Variants in PDE1A observed in about 807,000 individuals in gnomAD.
The protein encoded by PDE1A is phosphodiesterase 1A.
A neutral mutation model predicts 61.7 loss-of-function variants in PDE1A; 35 were observed. The ratio of observed to expected loss-of-function variants is 0.57; its 90% CI spans 0.43 to 0.75. The LOEUF (loss-of-function observed/expected upper bound fraction) is 0.75. PDE1A is among the 30% of genes least tolerant of loss of function. The probability of loss-of-function intolerance (pLI) is 0.00; values close to 1 mark genes in which losing one functional copy is unlikely to be tolerated. For synonymous variants in PDE1A, 232 were observed against 213.2 expected (o/e 1.09, Z -0.77); for missense variants, 597 against 630.6 (o/e 0.95, Z 0.57).
upstream of PDE1A, among the ~76,000 whole-genome samples, chr2:182,431,281 A>G (rs536873873): frequency 1.3e-5 from 2 of 152,232 alleles, no homozygotes; most frequent in Admixed American, 1.3e-4. Context: ...CATATCATAC[A>G]TGAAAGATAA....
chr2:182,568,630 C>A, the PDE1A span, among the ~76,000 whole-genome samples: 226 of 152,184 alleles, frequency 1.5e-3, 1 homozygote, highest in Non-Finnish European at 2.8e-3. Context: ...ACACCACTGC[C>A]CTCCAGCCTG....
chr2:182,679,797 A>C, the PDE1A span, among the ~76,000 whole-genome samples: 4 of 152,216 alleles, frequency 2.6e-5, no homozygotes, highest in African/African-American at 9.6e-5. Context: ...TAAATAATCA[A>C]CAACTTTTTT....
At chr2:182,384,787 G>C (rs1700932240) in intron 1 of PDE1A, among the ~76,000 whole-genome samples, 1 of 152,086 alleles carries the variant, frequency 6.6e-6, no homozygotes, top group Admixed American at 6.6e-5. Context: ...TCTAAACCTG[G>C]AGAAAGATGT....
the PDE1A span, among the ~76,000 whole-genome samples, chr2:182,694,958 T>G: frequency 3.3e-5 from 5 of 152,064 alleles, no homozygotes; most frequent in African/African-American, 9.6e-5. Context: ...TCCCATTTTT[T>G]GGGAAGTAAC....
chr2:182,657,913 T>C, the PDE1A span, among the ~76,000 whole-genome samples: 1 of 151,910 alleles, frequency 6.6e-6, no homozygotes, highest in Non-Finnish European at 1.5e-5. Flanking sequence ...GGAAAACTTA[T>C]TTAAGACTAC....
At chr2:182,325,716 G>A (rs1308858810) in intron 1 of PDE1A, among the ~76,000 whole-genome samples, 1 of 152,046 alleles carries the variant, frequency 6.6e-6, no homozygotes, top group African/African-American at 2.4e-5. Flanking sequence ...TCAGGTGTTC[G>A]TAACCAGCTT....
intron 1 of PDE1A, among the ~76,000 whole-genome samples, chr2:182,281,780 GA>G (rs1003677235): frequency 2.0e-5 from 3 of 151,850 alleles, no homozygotes; most frequent in African/African-American, 7.2e-5. Flanking sequence ...TTTAGCAAGA[GA>G]ATATTGACTG....
intron 1 of PDE1A, among the ~76,000 whole-genome samples, chr2:182,374,761 C>T (rs1004662833): frequency 6.6e-6 from 1 of 152,114 alleles, no homozygotes; most frequent in African/African-American, 2.4e-5. Flanking sequence ...CAAATTAAAT[C>T]CAATGATTTA....
At chr2:182,381,378 A>T (rs1023741195) in intron 1 of PDE1A, among the ~76,000 whole-genome samples, 6 of 152,162 alleles carry the variant, frequency 3.9e-5, no homozygotes, top group African/African-American at 1.4e-4. Context: ...CCAAAATGTG[A>T]TTTAGAATAG....
At chr2:182,168,365 T>C in intron 13 of PDE1A, 1 of 1,341,110 alleles carries the variant, frequency 7.5e-7, no homozygotes, top group Non-Finnish European at 1.0e-6. Flanking sequence ...AAAAAGTAAT[T>C]CTCATTTATA....
intron 1 of PDE1A, among the ~76,000 whole-genome samples, chr2:182,337,544 A>T (rs1457564489): frequency 6.6e-6 from 1 of 152,122 alleles, no homozygotes; most frequent in Admixed American, 6.6e-5. Flanking sequence ...AGAATCTAGA[A>T]ATTAGCTTTT....
intron 1 of PDE1A, among the ~76,000 whole-genome samples, chr2:182,379,401 A>T (rs547354269): frequency 1.4e-4 from 22 of 152,200 alleles, no homozygotes; most frequent in Non-Finnish European, 2.9e-4. Flanking sequence ...CCTCTAGGAG[A>T]GATCATGAAA....
rs528791991 is a variant in PDE1A at position 182,459,799 on chromosome 2, T to C, written c.101+62477A>G. On this transcript the variant is annotated intron_variant, in intron 2 of 14. Coordinates refer to the PDE1A transcript ENST00000410103. ...CAAAAAACCCCTAACAAATATCCAC[T>C]GTAGCATGCACAGTATTTCAGTATT... Among the ~76,000 whole-genome samples, 6 of 152,168 alleles carry C rather than the reference T, an allele frequency of 3.9e-5. No homozygotes were observed. In the East Asian group the frequency reaches 1.2e-3, roughly 29 times the overall value.
chr2:182,601,083 G>T, the PDE1A span, among the ~76,000 whole-genome samples: 1 of 152,188 alleles, frequency 6.6e-6, no homozygotes, highest in Non-Finnish European at 1.5e-5. Context: ...CCCACCTTTT[G>T]CTCAGGCCCA....
intron 2 of PDE1A, among the ~76,000 whole-genome samples, chr2:182,506,463 T>C (rs1689418680): frequency 1.3e-5 from 2 of 152,234 alleles, no homozygotes; most frequent in South Asian, 4.1e-4. Context: ...ACTGTTCTTA[T>C]AATATTAATG....
intron 1 of PDE1A, among the ~76,000 whole-genome samples, chr2:182,293,507 T>C (rs1694675217): frequency 6.6e-6 from 1 of 152,052 alleles, no homozygotes; most frequent in South Asian, 2.1e-4. Flanking sequence ...AAAAAACACC[T>C]ATAGCCTTTA....
chr2:182,296,526 C>T (rs1016190948), intron 1 of PDE1A, among the ~76,000 whole-genome samples: 1 of 152,104 alleles, frequency 6.6e-6, no homozygotes, highest in African/African-American at 2.4e-5. Context: ...AGATATAGAC[C>T]TTTCCCTAAG....
intron 2 of PDE1A, among the ~76,000 whole-genome samples, chr2:182,254,716 G>T (rs1441790020): frequency 2.6e-5 from 4 of 152,234 alleles, no homozygotes; most frequent in South Asian, 4.1e-4. Flanking sequence ...TTGCTGAACT[G>T]CCAATCAAGG....
chr2:182,285,181 A>G (rs1167629954), intron 1 of PDE1A, among the ~76,000 whole-genome samples: 1 of 152,096 alleles, frequency 6.6e-6, no homozygotes, highest in Non-Finnish European at 1.5e-5. Flanking sequence ...ACTTCTGCAC[A>G]GCTATATCTA....
Sources: allele counts gnomAD v4.1 joint callset (sites outside exome capture counted in the v4.1 genomes callset), GRCh38; gene constraint gnomAD v4.1.1; transcripts MANE v1.5; gene names NCBI Gene and HGNC (gene_info 2026-07-23, HGNC 2026-07-21).